Variants in GMDS observed in about 807,000 individuals in gnomAD.
The protein encoded by GMDS is GDP-mannose 4,6-dehydratase.
Under a neutral mutation model 49.9 loss-of-function variants are expected in GMDS, and 20 were observed. The ratio of observed to expected loss-of-function variants is 0.40; its 90% CI spans 0.28 to 0.58. The LOEUF (loss-of-function observed/expected upper bound fraction) is 0.58, where lower values mean the gene tolerates loss of function less well. Ranked by LOEUF, GMDS falls within the 20% of genes least tolerant of loss-of-function variation. The probability of loss-of-function intolerance (pLI) is 0.42; values close to 1 mark genes in which losing one functional copy is unlikely to be tolerated. For synonymous variants in GMDS, 177 were observed against 178.6 expected, an observed-to-expected ratio of 0.99 and a Z score of 0.07; for missense variants, 362 against 481.4, an observed-to-expected ratio of 0.75 and a Z score of 2.32.
chr6:2,138,127 CAAATCTGTTATTTTTGGCA>C (rs1380230992), intron 1 of GMDS, among the ~76,000 whole-genome samples: 3 of 152,126 alleles, frequency 2.0e-5, no homozygotes. Context: ...ATCTCTGCCA[CAAATCTGTTATTTTTGGCA>C]AAAAAAATTA....
intron 4 of GMDS, among the ~76,000 whole-genome samples, chr6:2,008,849 G>C (rs139771388): frequency 8.5e-4 from 129 of 152,232 alleles, no homozygotes; most frequent in African/African-American, 3.0e-3. Flanking sequence ...TGCCCTAGCA[G>C]GTACGTAACA....
At chr6:2,216,776 T>C (rs912455580) in intron 1 of GMDS, among the ~76,000 whole-genome samples, 1 of 152,172 alleles carries the variant, frequency 6.6e-6, no homozygotes, top group African/African-American at 2.4e-5. Context: ...CTTTGTGCTA[T>C]CCCTTTTACA....
chr6:1,755,664 G>T (rs1366156502), intron 7 of GMDS, among the ~76,000 whole-genome samples: 1 of 151,948 alleles, frequency 6.6e-6, no homozygotes, highest in Non-Finnish European at 1.5e-5. Context: ...AATGGGGAAA[G>T]GATTCCCTAT....
intron 9 of GMDS, among the ~76,000 whole-genome samples, chr6:1,655,521 AT>A (rs70989196): frequency 0.69 from 99,561 of 144,188 alleles, 34,337 homozygotes; most frequent in African/African-American, 0.75. Context: ...ACACACACAT[AT>A]TTTTTTTTTT....
chr6:2,103,927 G>T (rs927776552), intron 4 of GMDS, among the ~76,000 whole-genome samples: 2 of 152,214 alleles, frequency 1.3e-5, no homozygotes, highest in Non-Finnish European at 2.9e-5. Context: ...AGCAAACCCA[G>T]TATGGGGACT....
intron 2 of GMDS, among the ~76,000 whole-genome samples, chr6:2,122,278 G>A (rs1051600225): frequency 1.4e-4 from 21 of 152,132 alleles, no homozygotes; most frequent in Admixed American, 5.9e-4. Flanking sequence ...GACTGGGGTC[G>A]TGTTAGAAAG....
chr6:1,830,959 CATT>C (rs1318738355), intron 7 of GMDS, among the ~76,000 whole-genome samples: 1 of 152,138 alleles, frequency 6.6e-6, no homozygotes, highest in African/African-American at 2.4e-5. Context: ...TTGCCCAAAG[CATT>C]ATAATTTTTA....
chr6:1,992,197 AC>A (rs1475742322), intron 4 of GMDS, among the ~76,000 whole-genome samples: 1 of 151,788 alleles, frequency 6.6e-6, no homozygotes, highest in Admixed American at 6.6e-5. Flanking sequence ...CTAGCCCAGT[AC>A]CCCCGCTGAG....
intron 4 of GMDS, among the ~76,000 whole-genome samples, chr6:2,059,262 G>A (rs893059480): frequency 1.4e-5 from 2 of 144,254 alleles, no homozygotes; most frequent in African/African-American, 5.1e-5. Flanking sequence ...TTGAAAATAT[G>A]TAATTTATTT....
intron 8 of GMDS, among the ~76,000 whole-genome samples, chr6:1,736,307 A>G (rs1262972083): frequency 6.6e-6 from 1 of 152,248 alleles, no homozygotes; most frequent in Non-Finnish European, 1.5e-5. Context: ...AGTAGGATTC[A>G]GATTTCCAGG....
chr6:1,864,495 T>C (rs1011932254), intron 7 of GMDS, among the ~76,000 whole-genome samples: 1 of 152,218 alleles, frequency 6.6e-6, no homozygotes, highest in African/African-American at 2.4e-5. Context: ...CACTCTATGA[T>C]GACATGAATT....
intron 1 of GMDS, among the ~76,000 whole-genome samples, chr6:2,136,832 G>A (rs1312054136): frequency 6.6e-6 from 1 of 150,416 alleles, no homozygotes; most frequent in Admixed American, 6.7e-5. Flanking sequence ...GAGCCCAAGA[G>A]TTCAAGACTG....
Position 2,245,384 on chromosome 6 carries a change from G to A in GMDS, c.39C>T (p.Gly13=). 1 of 1,545,658 alleles carries A rather than the reference G, an allele frequency of 6.5e-7. No homozygotes were observed. Among genetic ancestry groups the A allele is most frequent in the Admixed American group, 1.9e-5 (1 of 52,534 alleles). ...GCTTGCCCATCTCGCCGTCCCCGGA[G>A]CCCCGGGCGCTGGGGCAGCGTGCCG... ...HAPARCPSAR[G]SGDGEMGKPR... The change falls in exon 1 of 11, where the codon GGC becomes GGT. Residue 13 remains glycine, a synonymous_variant. Transcript: ENST00000380815.
At chr6:1,814,494 T>C (rs557143231) in intron 7 of GMDS, among the ~76,000 whole-genome samples, 4 of 151,958 alleles carry the variant, frequency 2.6e-5, no homozygotes, top group African/African-American at 9.6e-5. Context: ...ATGTTCTAAG[T>C]TTGGGGCTGT....
intron 9 of GMDS, among the ~76,000 whole-genome samples, chr6:1,721,616 G>A (rs1766386773): frequency 6.6e-6 from 1 of 151,734 alleles, no homozygotes; most frequent in Non-Finnish European, 1.5e-5. Flanking sequence ...CTTTTTGTTT[G>A]TTTGACTGAA....
chr6:1,737,683 CACAT>C (rs1193168631), intron 8 of GMDS, among the ~76,000 whole-genome samples: 13 of 148,144 alleles, frequency 8.8e-5, no homozygotes, highest in South Asian at 2.2e-4. Context: ...TATACATACA[CACAT>C]ACATACACAC....
chr6:2,237,408 G>A (rs1781410998), intron 1 of GMDS, among the ~76,000 whole-genome samples: 1 of 151,996 alleles, frequency 6.6e-6, no homozygotes, highest in Non-Finnish European at 1.5e-5. Context: ...AGCTTATACA[G>A]GAATGGTTAA....
At chr6:2,198,503 A>C (rs1779370666) in intron 1 of GMDS, among the ~76,000 whole-genome samples, 1 of 152,206 alleles carries the variant, frequency 6.6e-6, no homozygotes, top group Admixed American at 6.5e-5. Context: ...CAAAAGGTCC[A>C]AGTTTATATG....
intron 1 of GMDS, among the ~76,000 whole-genome samples, chr6:2,243,391 T>C (rs147961057): frequency 1.3e-5 from 2 of 152,188 alleles, no homozygotes; most frequent in African/African-American, 2.4e-5. Context: ...GTCGTGTAAA[T>C]TGGTATAGGC....
Sources: gnomAD v4.1 joint callset for allele counts (sites outside exome capture counted in the v4.1 genomes callset) on GRCh38, gnomAD v4.1.1 for gene constraint, MANE v1.5 for transcripts, NCBI Gene and HGNC (gene_info 2026-07-23, HGNC 2026-07-21) for gene names.